Variants in AGBL1 observed in about 807,000 individuals in gnomAD.
AGBL1 encodes AGBL carboxypeptidase 1.
Under a neutral mutation model 118.9 loss-of-function variants are expected in AGBL1, and 130 were observed. That is an observed-to-expected ratio of 1.09 (90% confidence interval 0.95 to 1.26). The LOEUF is 1.26. Ranked by LOEUF, AGBL1 falls within the 50% of genes most tolerant of loss-of-function variation. AGBL1 has a pLI of 0.00. For missense variants in AGBL1, 1,584 were observed against 1,298.1 expected, an observed-to-expected ratio of 1.22 and a Z score of -3.38; for synonymous variants, 555 against 478.9, an observed-to-expected ratio of 1.16 and a Z score of -2.08.
At chr15:86,315,574 C>T (rs572235138) in intron 17 of AGBL1, among the ~76,000 whole-genome samples, 25 of 151,786 alleles carry the variant, frequency 1.6e-4, no homozygotes, top group African/African-American at 3.6e-4. Context: ...AAAAACTAGC[C>T]GAGTGAGGTG....
At chr15:86,182,848 T>C (rs1036099168) in intron 5 of AGBL1, among the ~76,000 whole-genome samples, 1 of 152,102 alleles carries the variant, frequency 6.6e-6, no homozygotes, top group African/African-American at 2.4e-5. Context: ...ATTTTAGCAG[T>C]TTACATGTGG....
intron 21 of AGBL1, among the ~76,000 whole-genome samples, chr15:86,576,984 C>T (rs1238525453): frequency 6.6e-6 from 1 of 152,120 alleles, no homozygotes. Flanking sequence ...TGAAATTGTA[C>T]AGTAGATTGG....
At chr15:86,372,519 C>T (rs1201859918) in intron 17 of AGBL1, among the ~76,000 whole-genome samples, 3 of 152,210 alleles carry the variant, frequency 2.0e-5, no homozygotes, top group African/African-American at 7.2e-5. Flanking sequence ...TTTTTACCTG[C>T]CACTTTTTCT....
In AGBL1 at chr15:86,574,570, ATTTTT is replaced by A. The variant is rs776642678; in HGVS notation, c.2994+20053_2994+20057del. Among the ~76,000 whole-genome samples, 125 of 83,794 alleles carry A rather than the reference ATTTTT, an allele frequency of 1.5e-3. 2 individuals are homozygous for A. The South Asian group carries it at 0.049, about 33-fold the overall frequency. 55.0% of individuals were successfully genotyped at this position (83,794 alleles called of 152,430 possible). On this transcript the variant is annotated intron_variant, in intron 21 of 22. Coordinates refer to ENST00000614907, the MANE Select transcript of AGBL1 (RefSeq NM_001386094.1). ...TTCTATACAATTCTTAAAAGTTTTA[ATTTTT>A]TTTTTTTTTTTTTTTTTTTGTGATG...
At chr15:86,781,899 A>G (rs1342644949) in intron 22 of AGBL1, among the ~76,000 whole-genome samples, 15 of 151,446 alleles carry the variant, frequency 9.9e-5, no homozygotes, top group Non-Finnish European at 7.4e-5. Context: ...TTTTTTTTTA[A>G]TTGGCCTTGT....
intron 6 of AGBL1, among the ~76,000 whole-genome samples, chr15:86,235,301 C>G (rs776172388): frequency 2.6e-5 from 4 of 152,188 alleles, no homozygotes; most frequent in Non-Finnish European, 5.9e-5. Flanking sequence ...AGTAAGTTAT[C>G]TAAATGAACA....
At chr15:86,236,050 C>T (rs1439490730) in intron 6 of AGBL1, among the ~76,000 whole-genome samples, 2 of 152,212 alleles carry the variant, frequency 1.3e-5, no homozygotes, top group Non-Finnish European at 2.9e-5. Context: ...TTGGGACTAA[C>T]CTCTACTCCT....
chr15:86,755,275 A>G (rs1370104742), intron 22 of AGBL1, among the ~76,000 whole-genome samples: 1 of 152,114 alleles, frequency 6.6e-6, no homozygotes, highest in East Asian at 1.9e-4. Flanking sequence ...TAAAATGAAA[A>G]CACTCTACAG....
chr15:86,431,607 T>G (rs1027021267), intron 18 of AGBL1, among the ~76,000 whole-genome samples: 8 of 152,230 alleles, frequency 5.3e-5, no homozygotes, highest in Non-Finnish European at 1.0e-4. Context: ...TAGTCTTGGT[T>G]TATAAGCTTT....
rs1567115776 is a variant in AGBL1 at position 86,674,435 on chromosome 15, CG to C, written c.3158+1del. 1 of 1,603,286 alleles carries C rather than the reference CG, an allele frequency of 6.2e-7. No homozygotes were observed. Among genetic ancestry groups the C allele is most frequent in the Non-Finnish European group, 8.5e-7 (1 of 1,171,996 alleles). Reference protein sequence around the residue: ...EEDALDQHLQRCSSSSGSVPS... With the variant: ...EEDALDQHLQXCSSSSGSVPS... ...GGACGCTCTGGACCAGCACCTCCAA[CG>C]GTAAGATGCTCCCAAGGGCTCAGAG... On this transcript the variant is annotated frameshift_variant and splice_region_variant, in exon 22 of 23. Coordinates refer to ENST00000614907, the MANE Select transcript of AGBL1 (RefSeq NM_001386094.1). LOFTEE classifies it low-confidence loss of function (END_TRUNC).
At chr15:86,449,749 G>C (rs2082169937) in intron 18 of AGBL1, among the ~76,000 whole-genome samples, 1 of 152,202 alleles carries the variant, frequency 6.6e-6, no homozygotes, top group Non-Finnish European at 1.5e-5. Flanking sequence ...AGCTAAGGCA[G>C]CCTCCTGGTG....
intron 18 of AGBL1, among the ~76,000 whole-genome samples, chr15:86,503,907 G>C (rs1028321208): frequency 6.6e-6 from 1 of 151,476 alleles, no homozygotes; most frequent in African/African-American, 2.4e-5. Context: ...GTTTTTGTTG[G>C]ACCAAGTGTT....
At chr15:86,768,674 A>G (rs1057510925) in intron 22 of AGBL1, among the ~76,000 whole-genome samples, 8 of 151,874 alleles carry the variant, frequency 5.3e-5, no homozygotes, top group African/African-American at 1.9e-4. Context: ...TATCTACCAC[A>G]TTGCATTTTC....
chr15:86,658,099 A>G (rs552882953), intron 21 of AGBL1, among the ~76,000 whole-genome samples: 3 of 152,064 alleles, frequency 2.0e-5, no homozygotes, highest in Non-Finnish European at 4.4e-5. Context: ...TCATGTATTT[A>G]TGTATGTATA....
chr15:86,899,352 A>T (rs918764517), intron 22 of AGBL1, among the ~76,000 whole-genome samples: 1 of 152,274 alleles, frequency 6.6e-6, no homozygotes, highest in East Asian at 1.9e-4. Flanking sequence ...TTTTAAACCC[A>T]AAAAGGAAAC....
chr15:86,917,644 C>T (rs1164037977), downstream of AGBL1, among the ~76,000 whole-genome samples: 1 of 151,122 alleles, frequency 6.6e-6, no homozygotes, highest in Non-Finnish European at 1.5e-5. This position sits in a 1 kb window ranked among gnomAD's most constrained non-coding sequence, Gnocchi z 4.8. Context: ...CAGTTGGAGA[C>T]TTCCTTTAGT....
intron 18 of AGBL1, among the ~76,000 whole-genome samples, chr15:86,518,042 C>G (rs181265828): frequency 6.6e-6 from 1 of 152,232 alleles, no homozygotes; most frequent in Non-Finnish European, 1.5e-5. Context: ...TGCTGTGCTG[C>G]AGGCACTAAT....
intron 17 of AGBL1, among the ~76,000 whole-genome samples, chr15:86,349,825 A>G (rs1186512585): frequency 1.3e-5 from 2 of 152,204 alleles, no homozygotes; most frequent in African/African-American, 2.4e-5. Flanking sequence ...GGCCTATTGG[A>G]AAGAGCTCTG....
chr15:86,257,048 A>G, intron 8 of AGBL1, 30 bp downstream of exon 8: 5 of 1,596,600 alleles, frequency 3.1e-6, no homozygotes, highest in Non-Finnish European at 4.3e-6. Flanking sequence ...ATGACCTTTA[A>G]GATGAGTTTT....
Sources: gnomAD v4.1 joint callset for allele counts (sites outside exome capture counted in the v4.1 genomes callset) on GRCh38, gnomAD v4.1.1 for gene constraint, Gnocchi (gnomAD v3.1) non-coding constraint, MANE v1.5 for transcripts, NCBI Gene and HGNC (gene_info 2026-07-23, HGNC 2026-07-21) for gene names.